The following DMRT1 variants were observed in gnomAD, a reference collection of about 807,000 sequenced individuals.
The protein encoded by DMRT1 is doublesex and mab-3 related transcription factor 1.
DMRT1 carries 7 observed loss-of-function variants against 32.3 expected under a neutral mutation model. That is an observed-to-expected ratio of 0.22 (90% confidence interval 0.12 to 0.41). The LOEUF (loss-of-function observed/expected upper bound fraction) is 0.41, where lower values mean the gene tolerates loss of function less well. DMRT1 is among the 10% of genes least tolerant of loss of function. The pLI, the probability that DMRT1 is intolerant of heterozygous loss-of-function variation, is 1.00. For missense variants in DMRT1, 625 were observed against 500.5 expected (o/e 1.25, Z -2.37); for synonymous variants, 278 against 206.1 (o/e 1.35, Z -2.99).
intron 2 of DMRT1, among the ~76,000 whole-genome samples, chr9:848,502 G>T (rs900414597): frequency 6.6e-6 from 1 of 151,270 alleles, no homozygotes. Context: ...TGCTTGGATT[G>T]GCTGCTCATA....
chr9:863,374 C>T (rs1326811187), intron 2 of DMRT1, among the ~76,000 whole-genome samples: 1 of 150,316 alleles, frequency 6.7e-6, no homozygotes, highest in South Asian at 2.1e-4. Context: ...TTCCTGGCTG[C>T]AACTAGAGAT....
chr9:871,929 T>C (rs1816285684), intron 2 of DMRT1, among the ~76,000 whole-genome samples: 2 of 151,530 alleles, frequency 1.3e-5, no homozygotes, highest in African/African-American at 2.5e-5. Flanking sequence ...CATTTCTTGT[T>C]ATATTTTCTT....
Position 901,395 on chromosome 9 carries a change from C to T in DMRT1, c.822+7200C>T, listed in dbSNP as rs540320415. On this transcript the variant is annotated intron_variant, in intron 3 of 4. Coordinates refer to ENST00000382276, the MANE Select transcript of DMRT1 (RefSeq NM_021951.3). ...AGGCTAGAGTGCAGTGGCGCGATCT[C>T]GGCTCACTGCAACCTCTGCCTCCCG... is the stretch of plus-strand genomic sequence containing the variant. 2.9e-3 allele frequency among the ~76,000 whole-genome samples: 443 copies of T among 152,132 alleles called. 4 individuals are homozygous for T. Among genetic ancestry groups the T allele is most frequent in the African/African-American group, 9.8e-3 (407 of 41,518 alleles).
chr9:883,398 G>T (rs1478841592), intron 2 of DMRT1, among the ~76,000 whole-genome samples: 5 of 152,060 alleles, frequency 3.3e-5, no homozygotes, highest in Admixed American at 6.5e-5. Context: ...TGAAGGTTGA[G>T]ATGAATCCTC....
At position 847,050 on chromosome 9, in the gene DMRT1, A is replaced by G; in HGVS notation, c.445A>G (p.Arg149Gly). The G allele has an allele frequency of 6.2e-7, 1 of 1,614,130 alleles. No individual in the cohort carries two copies. ...LPSAAELLVK[R>G]ENNGSNPCLM... ...CAGTGCGGCCGAGCTGCTTGTCAAA[A>G]GAGAGAACAATGGCAGTAACCCGTG... Residue 149 changes from arginine to glycine, a missense_variant, in exon 2 of 5, where the codon AGA becomes GGA. Arg to Gly is a moderately radical substitution (Grantham distance 125). Transcript: ENST00000382276.
intron 4 of DMRT1, among the ~76,000 whole-genome samples, chr9:957,775 T>C (rs1446056757): frequency 1.3e-5 from 2 of 152,156 alleles, no homozygotes; most frequent in Non-Finnish European, 2.9e-5. Context: ...TTTGGGAGGC[T>C]GAGGCAGGTG....
intron 2 of DMRT1, among the ~76,000 whole-genome samples, chr9:865,353 G>C (rs1047988827): frequency 6.6e-6 from 1 of 152,026 alleles, no homozygotes; most frequent in Non-Finnish European, 1.5e-5. Context: ...TTGTTCATTT[G>C]TGAAATGAAT....
At chr9:870,875 C>T (rs1323244294) in intron 2 of DMRT1, among the ~76,000 whole-genome samples, 1 of 151,710 alleles carries the variant, frequency 6.6e-6, no homozygotes, top group African/African-American at 2.4e-5. Context: ...CCAAGTGTGG[C>T]TAATTTTTTT....
At chr9:918,565 A>C (rs940251991) in intron 4 of DMRT1, among the ~76,000 whole-genome samples, 1 of 152,220 alleles carries the variant, frequency 6.6e-6, no homozygotes, top group Admixed American at 6.5e-5. Flanking sequence ...ACAGGGAAAG[A>C]AGAATAGGTG....
chr9:952,766 G>T (rs950948895), intron 4 of DMRT1, among the ~76,000 whole-genome samples: 1 of 152,202 alleles, frequency 6.6e-6, no homozygotes, highest in African/African-American at 2.4e-5. Flanking sequence ...GATCTACTTG[G>T]AATGTGGGAT....
intron 1 of DMRT1, among the ~76,000 whole-genome samples, chr9:843,993 A>G (rs1838799026): frequency 6.6e-6 from 1 of 151,322 alleles, no homozygotes; most frequent in Non-Finnish European, 1.5e-5. Flanking sequence ...ACTGAAAAAA[A>G]TTAATGGACT....
chr9:858,769 G>A (rs922750704), intron 2 of DMRT1, among the ~76,000 whole-genome samples: 1 of 151,180 alleles, frequency 6.6e-6, no homozygotes, highest in Non-Finnish European at 1.5e-5. Context: ...AACTACTTGT[G>A]AGGCTAAGGC....
rs571308749 is a variant in DMRT1, at chr9:868,152, A to G, written c.538+21009A>G. On this transcript the variant is annotated intron_variant, in intron 2 of 4. Transcript: ENST00000382276. ...GCCACCATGCCCGGCTAAGTTTTGT[A>G]TTTTTTTGTAGAGATGGGGTTTTAC... Among the ~76,000 whole-genome samples the G allele has an allele frequency of 7.2e-5, 11 of 152,100 alleles. 1 individual carries two copies. The highest frequency in any genetic ancestry group is 2.7e-4 in the African/African-American group (11 of 41,498).
intron 4 of DMRT1, among the ~76,000 whole-genome samples, chr9:952,930 T>G (rs917162500): frequency 6.6e-6 from 1 of 152,234 alleles, no homozygotes; most frequent in Admixed American, 6.5e-5. Flanking sequence ...TTGATCATTT[T>G]TTAAAGCCGA....
chr9:874,948 C>T (rs1002066684), intron 2 of DMRT1, among the ~76,000 whole-genome samples: 8 of 151,456 alleles, frequency 5.3e-5, no homozygotes, highest in African/African-American at 1.7e-4. Flanking sequence ...GCTGGGACTA[C>T]GGGTGCCCGC....
In DMRT1 at chr9:895,214, G is replaced by A. The variant is rs535790158; in HGVS notation, c.822+1019G>A. Among the ~76,000 whole-genome samples, 13 of 152,244 alleles carry A rather than the reference G, an allele frequency of 8.5e-5. No individual in the cohort carries two copies. The South Asian group carries it at 2.7e-3, about 32-fold the overall frequency. On this transcript the variant is annotated intron_variant, in intron 3 of 4. Transcript: ENST00000382276. ...ATTAGAGAAGGGAGCGTTTATCTAG[G>A]GCTGTTCTGCTTCCTCAGTTGCAAC...
chr9:875,095 C>G (rs1380112108), intron 2 of DMRT1, among the ~76,000 whole-genome samples: 2 of 152,164 alleles, frequency 1.3e-5, no homozygotes, highest in African/African-American at 4.8e-5. Context: ...CAGGCGTGAG[C>G]CACCGCGCCC....
In DMRT1 at chr9:847,024, C is replaced by G. The variant is rs769571892; in HGVS notation, c.419C>G (p.Pro140Arg). The G allele has an allele frequency of 2.5e-6, 4 of 1,614,138 alleles. No individual in the cohort carries two copies. In the South Asian group the frequency reaches 4.4e-5, roughly 18 times the overall value. ...GGTATCAGCCACCCCATCCCACTGC[C>G]CAGTGCGGCCGAGCTGCTTGTCAAA... ...ELGISHPIPL[P>R]SAAELLVKRE... The change falls in exon 2 of 5, where the codon CCC becomes CGC. Residue 140 changes from proline to arginine, a missense_variant. Around this residue, in one of 3 missense-constraint regions of DMRT1, gnomAD observed 416 missense variants for 321.6 expected, o/e 1.29. Coordinates refer to ENST00000382276, the MANE Select transcript of DMRT1 (RefSeq NM_021951.3).
At chr9:893,185 T>C (rs1019030501) in intron 2 of DMRT1, among the ~76,000 whole-genome samples, 8 of 152,252 alleles carry the variant, frequency 5.3e-5, no homozygotes, top group Non-Finnish European at 1.2e-4. Flanking sequence ...GAACATTGTT[T>C]AATAAATGTC....
Sources: gnomAD v4.1 joint callset for allele counts (sites outside exome capture counted in the v4.1 genomes callset) on GRCh38, gnomAD v4.1.1 for gene constraint, gnomAD v4.1.1 regional missense constraint, MANE v1.5 for transcripts, NCBI Gene and HGNC (gene_info 2026-07-23, HGNC 2026-07-21) for gene names.